TASOR: variants seen among roughly 807,000 people sequenced by gnomAD.
TASOR encodes protein TASOR.
TASOR carries 53 observed loss-of-function variants against 178.6 expected under a neutral mutation model. The ratio of observed to expected loss-of-function variants is 0.30; its 90% CI spans 0.24 to 0.37. The LOEUF is 0.37. Ranked by LOEUF, TASOR falls within the 10% of genes least tolerant of loss-of-function variation. The probability of loss-of-function intolerance (pLI) is 1.00; values close to 1 mark genes in which losing one functional copy is unlikely to be tolerated. For synonymous variants in TASOR, 713 were observed against 696.2 expected (o/e 1.02, Z -0.38); for missense variants, 1,815 against 1,971.4 (o/e 0.92, Z 1.50).
chr3:56,620,999 A>AAAGTT lies in TASOR; in HGVS notation c.*2033_*2037dup, dbSNP rs1553717553. 2.4e-5 allele frequency: 2 copies of AAAGTT among 84,134 alleles called. No individual in the cohort carries two copies. The highest frequency in any genetic ancestry group is 3.6e-4 in the East Asian group (1 of 2,776). 5.2% of individuals were successfully genotyped at this position (84,134 alleles called of 1,614,324 possible). On this transcript the variant is annotated 3_prime_UTR_variant, in exon 24 of 24. Coordinates refer to ENST00000683822, the MANE Select transcript of TASOR (RefSeq NM_001365635.2). Reference sequence around the variant, plus strand: ...AACCCTGTCTCTACTAAAAATACAAAAAGTTAGTTAGTTAGTTAGCCAGGC... The same window carrying AAAGTT: ...AACCCTGTCTCTACTAAAAATACAAAAAGTTAAGTTAGTTAGTTAGTTAGCCAGGC...
chr3:56,678,889 T>C (rs1439411810), intron 1 of TASOR, among the ~76,000 whole-genome samples: 1 of 151,580 alleles, frequency 6.6e-6, no homozygotes, highest in Non-Finnish European at 1.5e-5. Flanking sequence ...CACATGCCTG[T>C]AATCCGAACT....
intron 1 of TASOR, among the ~76,000 whole-genome samples, chr3:56,675,047 G>C (rs376129954): frequency 6.6e-6 from 1 of 151,832 alleles, no homozygotes; most frequent in African/African-American, 2.4e-5. Flanking sequence ...GGATGGTCTC[G>C]ATCTCCTGAC....
intron 11 of TASOR, among the ~76,000 whole-genome samples, chr3:56,649,405 AGGTAATGTGCTAGATGCTAGATACAAAAC>A (rs1164289367): frequency 6.6e-6 from 1 of 152,232 alleles, no homozygotes; most frequent in African/African-American, 2.4e-5. Flanking sequence ...TTAATGGCCA[AGGTAATGTGCTAGATGCTAGATACAAAAC>A]ATGCTTTGAA....
chr3:56,621,456 A>C lies in TASOR; in HGVS notation c.*1581T>G. The C allele has an allele frequency of 1.0e-6, 1 of 999,920 alleles. No individual in the cohort carries two copies. Among genetic ancestry groups the C allele is most frequent in the Non-Finnish European group, 1.5e-6 (1 of 684,384 alleles). The allele number at this position is 999,920 out of a possible 1,614,324, so 61.9% of individuals were successfully genotyped here. On this transcript the variant is annotated 3_prime_UTR_variant, in exon 24 of 24. Transcript: ENST00000683822. ...TAAGCGATATGTTTTCCAAGTGAAT[A>C]TAATTCTAGTTTAACACAACATTGC...
At chr3:56,636,539 C>T (rs796588389) in intron 17 of TASOR, among the ~76,000 whole-genome samples, 1 of 151,438 alleles carries the variant, frequency 6.6e-6, no homozygotes, top group Non-Finnish European at 1.5e-5. Context: ...CGAGTAGCTG[C>T]GACTACAGGC....
chr3:56,682,648 G>A (rs759389125), intron 1 of TASOR, 28 bp downstream of exon 1: 16 of 1,437,332 alleles, frequency 1.1e-5, no homozygotes, highest in African/African-American at 2.9e-5. Context: ...GAGAGAGAGA[G>A]GGGGTTGAGA....
At chr3:56,648,343 G>A (rs181308119) in intron 13 of TASOR, among the ~76,000 whole-genome samples, 122 of 151,640 alleles carry the variant, frequency 8.0e-4, no homozygotes, top group Admixed American at 9.2e-4. Flanking sequence ...AAAAAAAATC[G>A]TCAGCCAGGC....
chr3:56,623,222 G>T lies in TASOR; in HGVS notation c.4828C>A (p.His1610Asn). Residue 1610 changes from histidine to asparagine, a missense_variant, in exon 24 of 24, where the codon CAT becomes AAT. Physicochemically the swap from His to Asn is moderately conservative, Grantham distance 68. Transcript: ENST00000683822. ...SQLNMSHQFSHFNVLTHQTFL... is the reference protein window; with the variant it reads ...SQLNMSHQFSNFNVLTHQTFL... ...GTCTGATGAGTGAGAACATTAAAAT[G>T]ACTAAACTGATGGGACATATTTAAT... 6.2e-7 allele frequency: 1 copy of T among 1,613,432 alleles called. No individual in the cohort carries two copies. Among genetic ancestry groups the T allele is most frequent in the Non-Finnish European group, 8.5e-7 (1 of 1,179,826 alleles).
intron 17 of TASOR, among the ~76,000 whole-genome samples, chr3:56,635,044 A>G (rs1194935058): frequency 6.6e-6 from 1 of 152,208 alleles, no homozygotes; most frequent in Non-Finnish European, 1.5e-5. Context: ...AGTATAGGAA[A>G]TGGTGCCTCT....
rs370946118 is a variant in TASOR, at chr3:56,661,777, AT to A, written c.1160+607del. Among the ~76,000 whole-genome samples, 407 of 152,354 alleles carry A rather than the reference AT, an allele frequency of 2.7e-3. 1 individual carries two copies. Among genetic ancestry groups the A allele is most frequent in the Non-Finnish European group, 3.5e-3 (239 of 68,040 alleles). On this transcript the variant is annotated intron_variant, in intron 9 of 23. Coordinates refer to ENST00000683822, the MANE Select transcript of TASOR (RefSeq NM_001365635.2). ...TATATTCAAAATGCTACATAAAAAAATATATCTACTTAGAATAAAACTAAAA... is the reference window on the plus strand; with the variant it reads ...TATATTCAAAATGCTACATAAAAAAAATATCTACTTAGAATAAAACTAAAA...
At chr3:56,645,491 G>A (rs904507709) in intron 14 of TASOR, among the ~76,000 whole-genome samples, 14 of 152,188 alleles carry the variant, frequency 9.2e-5, no homozygotes, top group African/African-American at 3.1e-4. Context: ...AGGAGCAACA[G>A]TAACACAAAA....
intron 21 of TASOR, among the ~76,000 whole-genome samples, chr3:56,625,446 G>A (rs1177280301): frequency 1.3e-5 from 2 of 152,044 alleles, no homozygotes; most frequent in Admixed American, 6.5e-5. Flanking sequence ...TCAGGAGTTC[G>A]AGACCAGCCT....
rs973146152 is a variant in TASOR, at chr3:56,622,555, A to T, written c.*482T>A. 3.9e-5 allele frequency: 6 copies of T among 152,722 alleles called. No individual in the cohort carries two copies. The highest frequency in any genetic ancestry group is 1.4e-4 in the African/African-American group (6 of 41,472). 9.5% of individuals were successfully genotyped at this position (152,722 alleles called of 1,614,324 possible). A position where few individuals can be genotyped will look rare whatever the true frequency, so the allele number is the denominator to read the frequency against. On this transcript the variant is annotated 3_prime_UTR_variant, in exon 24 of 24. Transcript: ENST00000683822. ...GTACATAGTTTATTATCTAAATGAAACTGCACTGTTAGATAAATCTTGAGG... is the reference window on the plus strand; with the variant it reads ...GTACATAGTTTATTATCTAAATGAATCTGCACTGTTAGATAAATCTTGAGG...
intron 11 of TASOR, among the ~76,000 whole-genome samples, chr3:56,649,708 G>A (rs144332326): frequency 7.9e-5 from 12 of 152,144 alleles, no homozygotes; most frequent in Admixed American, 2.6e-4. Flanking sequence ...GTTTGTTTAC[G>A]GTAGTAAAAG....
chr3:56,663,778 T>C (rs1333331669), intron 7 of TASOR: 1 of 1,022,662 alleles, frequency 9.8e-7, no homozygotes, highest in Non-Finnish European at 1.2e-6. Context: ...TTCGCTCAAA[T>C]TACCACATTT....
intron 11 of TASOR, among the ~76,000 whole-genome samples, chr3:56,656,528 T>C (rs567803436): frequency 1.9e-4 from 29 of 151,712 alleles, no homozygotes; most frequent in Non-Finnish European, 2.7e-4. Flanking sequence ...GAGGCGGAGG[T>C]TGCAGTGAGC....
At position 56,624,787 on chromosome 3, in the gene TASOR, T is replaced by G. The variant is rs781586004; in HGVS notation, c.4318+41A>C. 15 of 1,592,468 alleles carry G rather than the reference T, an allele frequency of 9.4e-6. No homozygotes were observed. The East Asian group carries it at 3.4e-4, about 36-fold the overall frequency. On this transcript the variant is annotated intron_variant, in intron 22 of 23. Transcript: ENST00000683822. ...CCCCATAAAATCCTTTCATTCACATTCCTATATTCATAGTAGAAAGCTTAG... is the reference window on the plus strand; with the variant it reads ...CCCCATAAAATCCTTTCATTCACATGCCTATATTCATAGTAGAAAGCTTAG...
intron 17 of TASOR, 59 bp downstream of exon 17, chr3:56,638,647 G>A (rs770572185): frequency 1.9e-6 from 3 of 1,568,512 alleles, no homozygotes; most frequent in African/African-American, 2.7e-5. Flanking sequence ...TATCAGAAAT[G>A]CAAGTAGCAA....
intron 6 of TASOR, among the ~76,000 whole-genome samples, chr3:56,666,983 A>G (rs1056893100): frequency 6.6e-6 from 1 of 152,218 alleles, no homozygotes; most frequent in African/African-American, 2.4e-5. Flanking sequence ...GAGTTTATGA[A>G]CAAAGTAGTA....
Sources: gnomAD v4.1 joint callset for allele counts (sites outside exome capture counted in the v4.1 genomes callset) on GRCh38, gnomAD v4.1.1 for gene constraint, MANE v1.5 for transcripts, NCBI Gene and HGNC (gene_info 2026-07-23, HGNC 2026-07-21) for gene names.